Variants in ADGRB3 observed in about 807,000 individuals in gnomAD.
ADGRB3 encodes brain-specific angiogenesis inhibitor 3.
In ADGRB3, 37 loss-of-function variants were observed where a neutral mutation model predicts 193.4. The observed-to-expected ratio is 0.19, with a 90% CI of 0.15 to 0.25. The LOEUF is 0.25. Among genes scored for constraint, ADGRB3 ranks in the 10% least tolerant of loss-of-function variants. The probability of loss-of-function intolerance (pLI) is 1.00; values close to 1 mark genes in which losing one functional copy is unlikely to be tolerated. For missense variants in ADGRB3, 1,637 were observed against 1,852.9 expected, an observed-to-expected ratio of 0.88 and a Z score of 2.14; for synonymous variants, 690 against 644.2, an observed-to-expected ratio of 1.07 and a Z score of -1.08.
chr6:68,945,274 A>G (rs1767744438), intron 6 of ADGRB3, among the ~76,000 whole-genome samples: 1 of 152,124 alleles, frequency 6.6e-6, no homozygotes, highest in Non-Finnish European at 1.5e-5. Flanking sequence ...CTAAAATTTT[A>G]TTAATTCTGT....
At chr6:69,184,688 C>G (rs1462757024) in intron 17 of ADGRB3, among the ~76,000 whole-genome samples, 1 of 151,848 alleles carries the variant, frequency 6.6e-6, no homozygotes, top group Non-Finnish European at 1.5e-5. Context: ...GCACATGGAT[C>G]TCTGGAAAAA....
intron 17 of ADGRB3, among the ~76,000 whole-genome samples, chr6:69,122,686 T>TTTTGTTGCAAGAAAGGATA (rs1773745235): frequency 6.6e-6 from 1 of 151,996 alleles, no homozygotes; most frequent in Non-Finnish European, 1.5e-5. Flanking sequence ...TATTCTTTCA[T>TTTTGTTGCAAGAAAGGATA]TTTGTTGCAA....
rs549538712 is a variant in ADGRB3, at chr6:68,813,896, T to C, written c.758-116663T>C. 2.5e-3 allele frequency among the ~76,000 whole-genome samples: 374 copies of C among 152,340 alleles called. 5 individuals carry two copies. Among genetic ancestry groups the C allele is most frequent in the African/African-American group, 8.4e-3 (351 of 41,574 alleles). On this transcript the variant is annotated intron_variant, in intron 3 of 31. Coordinates refer to ENST00000370598, the MANE Select transcript of ADGRB3 (RefSeq NM_001704.3). The stretch of plus-strand genomic sequence containing the variant: ...ACAAAGGACATGAACTCATCCTTTT[T>C]TATGGCTGCATAGTATTCCATGGTG...
intron 3 of ADGRB3, among the ~76,000 whole-genome samples, chr6:68,814,105 A>G (rs898705922): frequency 1.3e-5 from 2 of 152,068 alleles, no homozygotes; most frequent in Non-Finnish European, 2.9e-5. Flanking sequence ...TGGTATTTCT[A>G]CTTCTAGATC....
intron 8 of ADGRB3, among the ~76,000 whole-genome samples, chr6:68,962,341 G>A (rs547488947): frequency 6.6e-5 from 10 of 152,120 alleles, no homozygotes; most frequent in East Asian, 3.9e-4. Context: ...GGGAAGAACC[G>A]CTGAGATCTA....
At chr6:68,840,840 A>T (rs1036334551) in intron 3 of ADGRB3, among the ~76,000 whole-genome samples, 1 of 152,186 alleles carries the variant, frequency 6.6e-6, no homozygotes, top group African/African-American at 2.4e-5. Flanking sequence ...AGACCTAATG[A>T]TCTGTTGCCC....
At chr6:69,354,777 A>G (rs907755586) in intron 27 of ADGRB3, among the ~76,000 whole-genome samples, 1 of 152,202 alleles carries the variant, frequency 6.6e-6, no homozygotes, top group African/African-American at 2.4e-5. Flanking sequence ...TGGTGATTCC[A>G]GTATGCAGCC....
At chr6:69,027,731 G>T (rs748580454) in intron 13 of ADGRB3, among the ~76,000 whole-genome samples, 1 of 152,166 alleles carries the variant, frequency 6.6e-6, no homozygotes, top group Non-Finnish European at 1.5e-5. Flanking sequence ...TTTGGGTCAA[G>T]TGACAGTGGA....
At chr6:68,832,077 G>C (rs1767967304) in intron 3 of ADGRB3, among the ~76,000 whole-genome samples, 1 of 151,934 alleles carries the variant, frequency 6.6e-6, no homozygotes, top group South Asian at 2.1e-4. Context: ...TTAATTACTT[G>C]TACATATTTT....
intron 17 of ADGRB3, among the ~76,000 whole-genome samples, chr6:69,219,977 A>G (rs931194757): frequency 6.6e-5 from 10 of 152,044 alleles, no homozygotes; most frequent in Non-Finnish European, 1.2e-4. Context: ...TATGACAGAG[A>G]AGGCTTTTCC....
chr6:68,898,501 G>A (rs923890543), intron 3 of ADGRB3, among the ~76,000 whole-genome samples: 2 of 151,994 alleles, frequency 1.3e-5, no homozygotes, highest in African/African-American at 2.4e-5. Context: ...TAAAATTTAC[G>A]ATCACAACAT....
intron 17 of ADGRB3, among the ~76,000 whole-genome samples, chr6:69,187,429 A>G (rs1765093519): frequency 6.6e-6 from 1 of 152,158 alleles, no homozygotes; most frequent in Non-Finnish European, 1.5e-5. Context: ...AAATGATGGT[A>G]TCTGGCAGTA....
At chr6:69,178,542 G>A (rs1375398589) in intron 17 of ADGRB3, among the ~76,000 whole-genome samples, 1 of 152,028 alleles carries the variant, frequency 6.6e-6, no homozygotes, top group Non-Finnish European at 1.5e-5. Context: ...TGCTTTATAG[G>A]GCCTATGAGT....
intron 3 of ADGRB3, among the ~76,000 whole-genome samples, chr6:68,673,719 T>A (rs1769018218): frequency 6.6e-6 from 1 of 152,134 alleles, no homozygotes; most frequent in African/African-American, 2.4e-5. Flanking sequence ...TTTTCAGGGC[T>A]TTTTTCCAGA....
chr6:69,244,099 A>G (rs1054941684), intron 20 of ADGRB3, among the ~76,000 whole-genome samples: 4 of 152,000 alleles, frequency 2.6e-5, no homozygotes, highest in African/African-American at 9.7e-5. Context: ...AAATTGTCTC[A>G]TGGTTCTTTA....
intron 3 of ADGRB3, among the ~76,000 whole-genome samples, chr6:68,843,766 C>T (rs2127388299): frequency 6.6e-6 from 1 of 152,170 alleles, no homozygotes; most frequent in Non-Finnish European, 1.5e-5. Context: ...TACCTGACTT[C>T]AAATTAAACT....
At chr6:68,761,958 T>C (rs1766401698) in intron 3 of ADGRB3, among the ~76,000 whole-genome samples, 1 of 152,162 alleles carries the variant, frequency 6.6e-6, no homozygotes, top group African/African-American at 2.4e-5. Flanking sequence ...TTCATATCAA[T>C]CATATAATGA....
At position 69,187,248 on chromosome 6, in the gene ADGRB3, A is replaced by G. The variant is rs371720175; in HGVS notation, c.2481-46042A>G. Among the ~76,000 whole-genome samples the G allele has an allele frequency of 1.2e-3, 184 of 152,278 alleles. 2 individuals are homozygous for G. In the South Asian group the frequency reaches 0.03, roughly 25 times the overall value. ...AAACGTTTTTAACGAATTAATTTGA[A>G]TAATAATTTTAAAATGTGAAAAATA... is the stretch of plus-strand genomic sequence containing the variant. On this transcript the variant is annotated intron_variant, in intron 17 of 31. Transcript: ENST00000370598.
chr6:68,986,090 C>T (rs1769065240), intron 10 of ADGRB3, among the ~76,000 whole-genome samples: 1 of 152,104 alleles, frequency 6.6e-6, no homozygotes, highest in Non-Finnish European at 1.5e-5. Flanking sequence ...GAAATTAAAG[C>T]TATTCCTTGT....
Sources: allele counts gnomAD v4.1 joint callset (sites outside exome capture counted in the v4.1 genomes callset), GRCh38; gene constraint gnomAD v4.1.1; transcripts MANE v1.5; gene names NCBI Gene and HGNC (gene_info 2026-07-23, HGNC 2026-07-21).